Variants in USP48 observed in about 807,000 individuals in gnomAD.
The protein encoded by USP48 is ubiquitin carboxyl-terminal hydrolase 48.
In USP48, 43 loss-of-function variants were observed where a neutral mutation model predicts 150.7. The ratio of observed to expected loss-of-function variants is 0.29; its 90% CI spans 0.22 to 0.37. USP48 has a LOEUF of 0.37. Ranked by LOEUF, USP48 falls within the 10% of genes least tolerant of loss-of-function variation. The probability of loss-of-function intolerance (pLI) is 1.00; values close to 1 mark genes in which losing one functional copy is unlikely to be tolerated. For synonymous variants in USP48, 396 were observed against 425.9 expected (o/e 0.93, Z 0.86); for missense variants, 813 against 1,249.6 (o/e 0.65, Z 5.27).
intron 1 of USP48, among the ~76,000 whole-genome samples, chr1:21,782,311 TA>T (rs900684920): frequency 3.3e-5 from 5 of 151,750 alleles, no homozygotes; most frequent in African/African-American, 7.2e-5. Context: ...AAGAAAGGCT[TA>T]AAAAAAATAC....
chr1:21,758,185 A>AACACACACAC (rs149088635), intron 1 of USP48, among the ~76,000 whole-genome samples: 2,947 of 141,392 alleles, frequency 0.021, 27 homozygotes, highest in African/African-American at 0.023. Context: ...GCAACTGTAA[A>AACACACACAC]ACACACACAC....
rs2097819171 is a variant in USP48, at chr1:21,752,528, C to G, written c.664G>C (p.Val222Leu). The G allele has an allele frequency of 6.2e-7, 1 of 1,607,242 alleles. No individual in the cohort carries two copies. Among genetic ancestry groups the G allele is most frequent in the African/African-American group, 1.3e-5 (1 of 74,496 alleles). The change falls in exon 5 of 27, where the codon GTT becomes CTT. Residue 222 changes from valine to leucine, a missense_variant and splice_region_variant. Physicochemically the swap from Val to Leu is conservative, Grantham distance 32. Coordinates refer to ENST00000308271, the MANE Select transcript of USP48 (RefSeq NM_032236.8). Reference sequence around the variant, plus strand: ...ATGAAAAAGTTGAAACAGACTTACACAGTTACATAGGCATATTCTCCACAG... The same window carrying G: ...ATGAAAAAGTTGAAACAGACTTACAGAGTTACATAGGCATATTCTCCACAG... ...QFCGEYAYVT[V>L]CNQCGRESKL...
intron 20 of USP48, 39 bp from the exon 21 acceptor site, chr1:21,703,657 G>T: frequency 7.1e-7 from 1 of 1,415,454 alleles, no homozygotes; most frequent in Non-Finnish European, 9.8e-7. Flanking sequence ...AGAAGTGGCT[G>T]AGGAATCATT....
chr1:21,686,757 G>A (rs1293442384), intron 25 of USP48: 1 of 167,424 alleles, frequency 6.0e-6, no homozygotes, highest in Non-Finnish European at 1.3e-5. Context: ...AGGTCCAGGT[G>A]GAGATGGGGA....
At chr1:21,705,572 T>C (rs1423735177) in intron 19 of USP48, among the ~76,000 whole-genome samples, 155 bp downstream of exon 19, 1 of 151,996 alleles carries the variant, frequency 6.6e-6, no homozygotes, top group Non-Finnish European at 1.5e-5. Flanking sequence ...GCAGTCTTCT[T>C]CTCTTTTAAA....
chr1:21,773,997 C>G (rs1482819760), intron 1 of USP48, among the ~76,000 whole-genome samples: 3 of 151,924 alleles, frequency 2.0e-5, no homozygotes, highest in African/African-American at 4.8e-5. Context: ...ATGTAACTGG[C>G]TGGGTGTGGT....
chr1:21,747,198 A>G, intron 7 of USP48, 49 bp from the exon 8 acceptor site: 1 of 1,341,406 alleles, frequency 7.5e-7, no homozygotes, highest in Non-Finnish European at 1.0e-6. Context: ...CAATCATAAT[A>G]CAATATATAA....
intron 2 of USP48, 162 bp downstream of exon 2, chr1:21,757,501 T>C (rs1013874594): frequency 1.5e-5 from 9 of 587,186 alleles, no homozygotes; most frequent in African/African-American, 7.6e-5. Flanking sequence ...CATTAAGAAG[T>C]GTTCCAATTC....
intron 1 of USP48, 152 bp downstream of exon 1, chr1:21,782,672 G>A (rs886927313): frequency 6.4e-6 from 8 of 1,245,706 alleles, no homozygotes; most frequent in Admixed American, 3.5e-5. Context: ...TTCCCAGGTC[G>A]CGCAGACGGC....
intron 1 of USP48, among the ~76,000 whole-genome samples, chr1:21,778,390 A>C (rs2097905513): frequency 6.6e-6 from 1 of 152,094 alleles, no homozygotes; most frequent in Non-Finnish European, 1.5e-5. Context: ...AAGTATAGGG[A>C]CATAGAGCAA....
chr1:21,731,223 A>G (rs2097755982), intron 9 of USP48, among the ~76,000 whole-genome samples: 1 of 152,210 alleles, frequency 6.6e-6, no homozygotes, highest in African/African-American at 2.4e-5. Flanking sequence ...AAAATAATAC[A>G]AATAAATCTA....
intron 6 of USP48, among the ~76,000 whole-genome samples, chr1:21,748,648 C>T (rs1323788401): frequency 2.0e-5 from 3 of 152,238 alleles, no homozygotes; most frequent in African/African-American, 7.2e-5. Flanking sequence ...ACATGGCTCA[C>T]GCCTGTAATC....
intron 1 of USP48, among the ~76,000 whole-genome samples, chr1:21,770,356 G>A (rs2097875887): frequency 6.6e-6 from 1 of 151,778 alleles, no homozygotes; most frequent in South Asian, 2.1e-4. Flanking sequence ...AAGGAAAAGA[G>A]GCAGAAGTAA....
At chr1:21,684,662 A>G (rs2097575905) in intron 25 of USP48, among the ~76,000 whole-genome samples, 1 of 95,802 alleles carries the variant, frequency 1.0e-5, no homozygotes, top group Non-Finnish European at 2.4e-5. Context: ...AATTCTAGCA[A>G]TTTCATAGTT....
At chr1:21,756,025 C>T (rs961141573) in intron 3 of USP48, among the ~76,000 whole-genome samples, 22 of 151,534 alleles carry the variant, frequency 1.5e-4, no homozygotes, top group African/African-American at 4.6e-4. Context: ...ATTAGCCGGG[C>T]GTGGTGGTGC....
In USP48 at chr1:21,704,398, C is replaced by T. The variant is rs1263486115; in HGVS notation, c.2385-6G>A. ...TGGGCCATATGAGAGCTATACTGTG[C>T]AAAAAAAAAACACAACATGCCTTAA... On this transcript the variant is annotated splice_polypyrimidine_tract_variant and splice_region_variant and intron_variant, in intron 19 of 26. Coordinates refer to ENST00000308271, the MANE Select transcript of USP48 (RefSeq NM_032236.8). The T allele has an allele frequency of 3.7e-6, 5 of 1,350,146 alleles. No individual in the cohort carries two copies. The highest frequency in any genetic ancestry group is 4.0e-6 in the Non-Finnish European group (4 of 1,004,728). The allele number at this position is 1,350,146 out of a possible 1,614,324, so 83.6% of individuals were successfully genotyped here. A position where few individuals can be genotyped will look rare whatever the true frequency, so the allele number is the denominator to read the frequency against.
chr1:21,684,254 TCCG>T (rs1448843575), intron 25 of USP48, among the ~76,000 whole-genome samples: 1 of 152,242 alleles, frequency 6.6e-6, no homozygotes, highest in East Asian at 1.9e-4. Flanking sequence ...CCACCAAAAG[TCCG>T]TATAAGAGTT....
chr1:21,739,138 G>A (rs1197701001), intron 8 of USP48, among the ~76,000 whole-genome samples: 1 of 152,058 alleles, frequency 6.6e-6, no homozygotes, highest in Non-Finnish European at 1.5e-5. Context: ...ATCTCAAAGG[G>A]CTTACGGGAT....
Position 21,689,995 on chromosome 1 carries a change from A to T in USP48, c.2988T>A (p.Pro996=). Residue 996 remains proline (P), a synonymous_variant, in exon 24 of 27, where the codon CCT becomes CCA. Transcript: ENST00000308271. ...CATLGTLGVI[P]ESVILLKADE... ...TTACCTTCAATAAAATGACAGATTC[A>T]GGAATGACGCCAAGGGTGCCTAGGG... 5 of 1,613,994 alleles carry T rather than the reference A, an allele frequency of 3.1e-6. No homozygotes were observed. The highest frequency in any genetic ancestry group is 4.2e-6 in the Non-Finnish European group (5 of 1,179,960).
Sources: allele counts gnomAD v4.1 joint callset (sites outside exome capture counted in the v4.1 genomes callset), GRCh38; gene constraint gnomAD v4.1.1; transcripts MANE v1.5; gene names NCBI Gene and HGNC (gene_info 2026-07-23, HGNC 2026-07-21).